Variants in ARNT2 observed in about 807,000 individuals in gnomAD.
The protein encoded by ARNT2 is aryl hydrocarbon receptor nuclear translocator 2.
A neutral mutation model predicts 91.7 loss-of-function variants in ARNT2; 36 were observed. The ratio of observed to expected loss-of-function variants is 0.39; its 90% CI spans 0.30 to 0.52. The LOEUF (loss-of-function observed/expected upper bound fraction) is 0.52, where lower values mean the gene tolerates loss of function less well. Among genes scored for constraint, ARNT2 ranks in the 20% least tolerant of loss-of-function variants. ARNT2 has a pLI of 0.72. For synonymous variants in ARNT2, 365 were observed against 347.1 expected (o/e 1.05, Z -0.57); for missense variants, 775 against 939.3 (o/e 0.83, Z 2.29).
intron 8 of ARNT2, among the ~76,000 whole-genome samples, chr15:80,515,784 G>A (rs1270844746): frequency 4.7e-5 from 7 of 149,902 alleles, no homozygotes; most frequent in Non-Finnish European, 1.5e-5. Context: ...TCACTTTATG[G>A]CCCAGAATGT....
At chr15:80,489,581 T>C (rs1034944678) in intron 5 of ARNT2, among the ~76,000 whole-genome samples, 8 of 152,204 alleles carry the variant, frequency 5.3e-5, no homozygotes, top group African/African-American at 1.9e-4. Context: ...GGCTGACTCT[T>C]CTCTCAGTTC....
intron 4 of ARNT2, 78 bp downstream of exon 4, chr15:80,470,509 A>C: frequency 3.4e-6 from 5 of 1,481,822 alleles, no homozygotes; most frequent in Non-Finnish European, 4.6e-6. Context: ...TACGTGGGGA[A>C]CCAGGGCTCA....
At chr15:80,437,313 T>C (rs1345452490) in intron 1 of ARNT2, among the ~76,000 whole-genome samples, 2 of 152,184 alleles carry the variant, frequency 1.3e-5, no homozygotes, top group East Asian at 3.8e-4. Flanking sequence ...GAATAACTCA[T>C]CTTTTAATAT....
At chr15:80,446,731 A>G (rs1896311082) in intron 1 of ARNT2, among the ~76,000 whole-genome samples, 1 of 151,386 alleles carries the variant, frequency 6.6e-6, no homozygotes, top group African/African-American at 2.4e-5. Context: ...AGAAGATGGC[A>G]GAGTGCTGGA....
chr15:80,475,463 G>A, intron 5 of ARNT2: 1 of 389,774 alleles, frequency 2.6e-6, no homozygotes. Context: ...CGGAGGCTGA[G>A]GTGGGAGAAT....
In ARNT2 at chr15:80,583,116, G is replaced by A. The variant is rs1310993921; in HGVS notation, c.1918+1712G>A. 4.6e-5 allele frequency among the ~76,000 whole-genome samples: 7 copies of A among 152,262 alleles called. No individual in the cohort carries two copies. In the South Asian group the frequency reaches 1.4e-3, roughly 31 times the overall value. ...GAGAAGGACACAGTCCAGAGACTGG[G>A]TCAGGGGAGACAGACAGAGGTAAAG... On this transcript the variant is annotated intron_variant, in intron 17 of 18. Transcript: ENST00000303329.
chr15:80,597,907 C>A lies in ARNT2; in HGVS notation c.*4209C>A, dbSNP rs1893402926. The A allele has an allele frequency of 6.5e-6, 1 of 152,686 alleles. No individual in the cohort carries two copies. Among genetic ancestry groups the A allele is most frequent in the Non-Finnish European group, 1.5e-5 (1 of 68,074 alleles). The allele number at this position is 152,686 out of a possible 1,614,324, so 9.5% of individuals were successfully genotyped here. On this transcript the variant is annotated 3_prime_UTR_variant, in exon 19 of 19. Coordinates refer to ENST00000303329, the MANE Select transcript of ARNT2 (RefSeq NM_014862.4). ...GTAACTGCCTTTTAAAATTTCATTACAATAAAAATGACTTTGCTCTGAACA... is the reference window on the plus strand; with the variant it reads ...GTAACTGCCTTTTAAAATTTCATTAAAATAAAAATGACTTTGCTCTGAACA...
rs1897397447 is a variant in ARNT2, at chr15:80,514,424, A to G, written c.877+19A>G. The G allele has an allele frequency of 6.2e-7, 1 of 1,609,622 alleles. No homozygotes were observed. On this transcript the variant is annotated intron_variant, in intron 8 of 18. Transcript: ENST00000303329. ...CCAGCAGGTAAGGAGACCTGCATGT[A>G]AATTCCACGGGAACTGGGTGCTGCT...
At chr15:80,451,293 G>A (rs1896385882) in intron 2 of ARNT2, among the ~76,000 whole-genome samples, 1 of 152,252 alleles carries the variant, frequency 6.6e-6, no homozygotes, top group Non-Finnish European at 1.5e-5. Flanking sequence ...TCCTGCCTGA[G>A]CCTCCAAGCC....
chr15:80,525,111 T>C (rs1182750487), intron 8 of ARNT2, among the ~76,000 whole-genome samples: 1 of 152,200 alleles, frequency 6.6e-6, no homozygotes, highest in Non-Finnish European at 1.5e-5. Flanking sequence ...ACTTTAATAA[T>C]AAAAGAAAAT....
rs188108671 is a variant in ARNT2 at position 80,553,941 on chromosome 15, C to A, written c.1090-1124C>A. On this transcript the variant is annotated intron_variant, in intron 10 of 18. Coordinates refer to ENST00000303329, the MANE Select transcript of ARNT2 (RefSeq NM_014862.4). ...AGAAATTGATTTGTTTCCAAATTCA[C>A]CCCAACCTCTGATGGCAGCCAGACC... Among the ~76,000 whole-genome samples the A allele has an allele frequency of 2.6e-3, 402 of 152,272 alleles. 3 individuals are homozygous for A. Among genetic ancestry groups the A allele is most frequent in the African/African-American group, 9.3e-3 (387 of 41,560 alleles).
At chr15:80,544,138 T>G (rs2141451423) in intron 8 of ARNT2, among the ~76,000 whole-genome samples, 1 of 152,334 alleles carries the variant, frequency 6.6e-6, no homozygotes, top group Non-Finnish European at 1.5e-5. Flanking sequence ...ACTTAACTGT[T>G]AGTATGCAGT....
chr15:80,442,292 A>C (rs1896204754), intron 1 of ARNT2, among the ~76,000 whole-genome samples: 1 of 152,204 alleles, frequency 6.6e-6, no homozygotes, highest in African/African-American at 2.4e-5. Context: ...GTCCATTGCC[A>C]GGTTAGCATA....
chr15:80,493,166 A>G (rs1472608497), intron 5 of ARNT2, among the ~76,000 whole-genome samples: 1 of 152,222 alleles, frequency 6.6e-6, no homozygotes, highest in African/African-American at 2.4e-5. Context: ...AAGAAGGGCC[A>G]AGCTTGCTTT....
chr15:80,593,888 T>G lies in ARNT2; in HGVS notation c.*190T>G. On this transcript the variant is annotated 3_prime_UTR_variant, in exon 19 of 19. Coordinates refer to ENST00000303329, the MANE Select transcript of ARNT2 (RefSeq NM_014862.4). ...CCTGCAGCCGCGGCTGCTCGGCCAC[T>G]GACCAGGGGCCCTGGCAGACATTAG... 1.7e-6 allele frequency: 1 copy of G among 582,938 alleles called. No homozygotes were observed. Among genetic ancestry groups the G allele is most frequent in the Non-Finnish European group, 3.1e-6 (1 of 327,444 alleles). The allele number at this position is 582,938 out of a possible 1,614,324, so 36.1% of individuals were successfully genotyped here.
intron 1 of ARNT2, among the ~76,000 whole-genome samples, chr15:80,411,797 T>C (rs1005156864): frequency 3.9e-5 from 6 of 152,214 alleles, no homozygotes; most frequent in Admixed American, 3.9e-4. Context: ...ACCTGATACC[T>C]TGGACACACA....
At chr15:80,467,929 C>T (rs1896679061) in intron 3 of ARNT2, among the ~76,000 whole-genome samples, 1 of 152,140 alleles carries the variant, frequency 6.6e-6, no homozygotes, top group Non-Finnish European at 1.5e-5. Flanking sequence ...GTATCTCCTC[C>T]AGGGAAGGGT....
chr15:80,577,610 A>G (rs1264049640), intron 15 of ARNT2, among the ~76,000 whole-genome samples: 1 of 152,246 alleles, frequency 6.6e-6, no homozygotes, highest in East Asian at 1.9e-4. Flanking sequence ...TGTGCCCACC[A>G]GACACCCTAA....
At chr15:80,503,760 C>A (rs188250747) in intron 5 of ARNT2, among the ~76,000 whole-genome samples, 2 of 152,344 alleles carry the variant, frequency 1.3e-5, no homozygotes, top group Admixed American at 1.3e-4. Flanking sequence ...GCACAGGCTG[C>A]GCCAGAGCTC....
Sources: allele counts gnomAD v4.1 joint callset (sites outside exome capture counted in the v4.1 genomes callset), GRCh38; gene constraint gnomAD v4.1.1; transcripts MANE v1.5; gene names NCBI Gene and HGNC (gene_info 2026-07-23, HGNC 2026-07-21).